The following GPR161 variants were observed in gnomAD, a reference collection of about 807,000 sequenced individuals.
GPR161 encodes the protein G protein-coupled receptor 161.
Under a neutral mutation model 39.2 loss-of-function variants are expected in GPR161, and 25 were observed. That is an observed-to-expected ratio of 0.64 (90% CI 0.47 to 0.89). GPR161 has a LOEUF of 0.89. Among genes scored for constraint, GPR161 ranks in the 40% least tolerant of loss-of-function variants. The pLI is 0.00. For synonymous variants in GPR161, 286 were observed against 276.6 expected (o/e 1.03, Z -0.34); for missense variants, 547 against 677.8 (o/e 0.81, Z 2.14).
chr1:168,096,981 C>G lies in GPR161; in HGVS notation c.626G>C (p.Gly209Ala). 6.2e-7 allele frequency: 1 copy of G among 1,614,160 alleles called. No individual in the cohort carries two copies. The highest frequency in any genetic ancestry group is 1.1e-5 in the South Asian group (1 of 91,084). The stretch of plus-strand genomic sequence containing the variant: ...GACCCTGGCCACGCGGAAGATGAAG[C>G]CATAGCACACCAGCATGACCAGAAA... ...FPFLVMLVCY[G>A]FIFRVARVKA... The change falls in exon 3 of 6, where the codon GGC (glycine) becomes GCC (alanine). Residue 209 changes from glycine (G) to alanine (A), a missense_variant. Physicochemically the swap from Gly to Ala is moderately conservative, Grantham distance 60. Coordinates refer to ENST00000682931, the MANE Select transcript of GPR161 (RefSeq NM_001375883.1).
chr1:168,100,492 C>T (rs1695991292), intron 2 of GPR161, among the ~76,000 whole-genome samples: 1 of 152,106 alleles, frequency 6.6e-6, no homozygotes, highest in South Asian at 2.1e-4. Flanking sequence ...AGACATGAGC[C>T]CAATCACGAC....
At chr1:168,133,362 G>C (rs77208718) in intron 1 of GPR161, among the ~76,000 whole-genome samples, 1 of 151,826 alleles carries the variant, frequency 6.6e-6, no homozygotes, top group African/African-American at 2.4e-5. Flanking sequence ...CAGATCCCAC[G>C]TCCAGGAACA....
intron 1 of GPR161, among the ~76,000 whole-genome samples, chr1:168,126,246 A>C (rs1046724848): frequency 2.6e-5 from 4 of 152,124 alleles, no homozygotes; most frequent in Admixed American, 6.5e-5. Flanking sequence ...TTACCACCAT[A>C]AGCCATTCCC....
chr1:168,105,970 C>G (rs544242454), intron 1 of GPR161, among the ~76,000 whole-genome samples: 1 of 152,218 alleles, frequency 6.6e-6, no homozygotes, highest in Non-Finnish European at 1.5e-5. Context: ...TCACAACCCT[C>G]GTGGTGGATC....
At chr1:168,085,975 T>C (rs1282902216) in intron 5 of GPR161, among the ~76,000 whole-genome samples, 179 bp from the exon 6 acceptor site, 1 of 152,178 alleles carries the variant, frequency 6.6e-6, no homozygotes, top group Non-Finnish European at 1.5e-5. Flanking sequence ...ACCTGGGAAA[T>C]CTTGGAAAAA....
chr1:168,109,262 A>C lies in GPR161; in HGVS notation c.-44-4368T>G, dbSNP rs1696910378. ...AACATGTTTCTTATTTCAAATGCAC[A>C]GAAAAGCTGGATTAAATATAACCCC... On this transcript the variant is annotated intron_variant, in intron 1 of 5. Coordinates refer to ENST00000682931, the MANE Select transcript of GPR161 (RefSeq NM_001375883.1). Among the ~76,000 whole-genome samples the C allele has an allele frequency of 5.3e-5, 8 of 152,360 alleles. No individual in the cohort carries two copies. The South Asian group carries it at 1.7e-3, about 32-fold the overall frequency.
chr1:168,097,028 C>A lies in GPR161; in HGVS notation c.579G>T (p.Gln193His), dbSNP rs1695618821. ...GAAAGGGGAAGAGGGCACACCAGAT[C>A]TGCCAGAAGGCCGTGTAGCCAGGCT... is the stretch of plus-strand genomic sequence containing the variant. ...HREPGYTAFW[Q>H]IWCALFPFLV... The change falls in exon 3 of 6, where the codon CAG becomes CAT. Residue 193 changes from glutamine (Q) to histidine (H), a missense_variant. Physicochemically the swap from Gln to His is conservative, Grantham distance 24. Transcript: ENST00000682931. The A allele has an allele frequency of 6.2e-7, 1 of 1,614,172 alleles. No homozygotes were observed. The highest frequency in any genetic ancestry group is 8.5e-7 in the Non-Finnish European group (1 of 1,180,026).
In GPR161 at chr1:168,085,015, T is replaced by C; in HGVS notation, c.*516A>G. ...AGTCCTAGAACTGAGGGTCCCACAC[T>C]GCCCGCATCAACCATGTAGAGGCAC... On this transcript the variant is annotated 3_prime_UTR_variant, in exon 6 of 6. Transcript: ENST00000682931. 2.2e-6 allele frequency: 1 copy of C among 456,344 alleles called. No homozygotes were observed. The highest frequency in any genetic ancestry group is 3.3e-4 in the Middle Eastern group (1 of 3,076). The allele number at this position is 456,344 out of a possible 1,614,324, so 28.3% of individuals were successfully genotyped here.
chr1:168,104,110 A>C (rs1427669489), intron 2 of GPR161, among the ~76,000 whole-genome samples: 2 of 152,198 alleles, frequency 1.3e-5, no homozygotes, highest in Non-Finnish European at 2.9e-5. Flanking sequence ...AAAGCAAGAC[A>C]GAGCAGGGGT....
intron 1 of GPR161, among the ~76,000 whole-genome samples, chr1:168,120,584 G>C (rs1366989639): frequency 6.6e-6 from 1 of 152,054 alleles, no homozygotes; most frequent in Non-Finnish European, 1.5e-5. Flanking sequence ...GAGGGGCCGG[G>C]GGAAGAATGA....
intron 4 of GPR161, chr1:168,088,627 T>TC (rs1278325324): frequency 2.6e-5 from 4 of 152,246 alleles, no homozygotes; most frequent in African/African-American, 9.7e-5. Flanking sequence ...GGGTCATCAT[T>TC]CAGTCTACCT....
intron 1 of GPR161, chr1:168,136,388 C>T: frequency 7.1e-7 from 1 of 1,415,190 alleles, no homozygotes; most frequent in Non-Finnish European, 9.2e-7. Flanking sequence ...CGCACCTACG[C>T]CCTCCCATCC....
chr1:168,101,789 C>T (rs1206687128), intron 2 of GPR161, among the ~76,000 whole-genome samples: 1 of 152,110 alleles, frequency 6.6e-6, no homozygotes, highest in Non-Finnish European at 1.5e-5. Flanking sequence ...CTATTCTCCA[C>T]TTCTACTTTC....
chr1:168,137,049 G>T, upstream of GPR161: 1 of 722,270 alleles, frequency 1.4e-6, no homozygotes, highest in South Asian at 6.0e-5. Context: ...CCAGCTCCCG[G>T]CGCCCCTCCC....
chr1:168,130,825 T>A (rs944695670), intron 1 of GPR161, among the ~76,000 whole-genome samples: 3 of 152,122 alleles, frequency 2.0e-5, no homozygotes, highest in Non-Finnish European at 4.4e-5. Flanking sequence ...GCTGCTACCA[T>A]CCCACTATGC....
intron 1 of GPR161, 78 bp downstream of exon 1, chr1:168,136,661 A>C: frequency 8.4e-7 from 1 of 1,191,400 alleles, no homozygotes; most frequent in Non-Finnish European, 1.0e-6. Context: ...TCAGCCTCGC[A>C]CAATGAGTTT....
chr1:168,085,175 C>A lies in GPR161; in HGVS notation c.*356G>T. The A allele has an allele frequency of 2.3e-6, 1 of 441,426 alleles. No homozygotes were observed. The highest frequency in any genetic ancestry group is 1.8e-5 in the South Asian group (1 of 55,374). The allele number at this position is 441,426 out of a possible 1,614,324, so 27.3% of individuals were successfully genotyped here. On this transcript the variant is annotated 3_prime_UTR_variant, in exon 6 of 6. Coordinates refer to ENST00000682931, the MANE Select transcript of GPR161 (RefSeq NM_001375883.1). ...ACACTGTGAAGAGGAGGAAATGATGCATGTGGGGGTCTCCTTCCAAGCCCT... is the reference window on the plus strand; with the variant it reads ...ACACTGTGAAGAGGAGGAAATGATGAATGTGGGGGTCTCCTTCCAAGCCCT...
rs775634015 is a variant in GPR161 at position 168,097,112 on chromosome 1, A to G, written c.495T>C (p.Gly165=). The G allele has an allele frequency of 6.2e-7, 1 of 1,613,948 alleles. No individual in the cohort carries two copies. The highest frequency in any genetic ancestry group is 2.2e-5 in the East Asian group (1 of 44,844). The change falls in exon 3 of 6, where the codon GGT becomes GGC. Residue 165 remains glycine (G), a synonymous_variant. Transcript: ENST00000682931. Reference sequence around the variant, plus strand: ...ACTCGTCAAACTCCACGGATGACCAACCAAACAGGGGTGGCAGGCAGCCGA... The same window carrying G: ...ACTCGTCAAACTCCACGGATGACCAGCCAAACAGGGGTGGCAGGCAGCCGA... ...SLIGCLPPLF[G]WSSVEFDEFK...
Position 168,084,767 on chromosome 1 carries a change from A to ATT in GPR161, c.*762_*763dup, listed in dbSNP as rs111490882. The ATT allele has an allele frequency of 3.5e-5, 15 of 432,360 alleles. No individual in the cohort carries two copies. The highest frequency in any genetic ancestry group is 3.1e-4 in the African/African-American group (15 of 48,894). 26.8% of individuals were successfully genotyped at this position (432,360 alleles called of 1,614,324 possible). On this transcript the variant is annotated 3_prime_UTR_variant, in exon 6 of 6. Transcript: ENST00000682931. ...TAAAACAGTGGTACGTCTTAAATGGATTTTTTTTTTAATTCTGGAAATGAA... is the reference window on the plus strand; with the variant it reads ...TAAAACAGTGGTACGTCTTAAATGGATTTTTTTTTTTTAATTCTGGAAATGAA...
Sources: allele counts gnomAD v4.1 joint callset (sites outside exome capture counted in the v4.1 genomes callset), GRCh38; gene constraint gnomAD v4.1.1; transcripts MANE v1.5; gene names NCBI Gene and HGNC (gene_info 2026-07-23, HGNC 2026-07-21).